The following RNF182 variants were observed in gnomAD, a reference collection of about 807,000 sequenced individuals.
RNF182 encodes E3 ubiquitin-protein ligase RNF182.
Under a neutral mutation model 14.4 loss-of-function variants are expected in RNF182, and 15 were observed. The ratio of observed to expected loss-of-function variants is 1.04; its 90% CI spans 0.70 to 1.60. The LOEUF (loss-of-function observed/expected upper bound fraction) is 1.60. Among genes scored for constraint, RNF182 ranks in the 40% most tolerant of loss-of-function variants. The pLI is 0.00. For missense variants in RNF182, 268 were observed against 294.8 expected (o/e 0.91, Z 0.67); for synonymous variants, 128 against 122.9 (o/e 1.04, Z -0.27).
chr6:13,964,458 A>T (rs1759965346), intron 1 of RNF182, among the ~76,000 whole-genome samples: 1 of 152,180 alleles, frequency 6.6e-6, no homozygotes, highest in Admixed American at 6.5e-5. Context: ...TATTTGGGAA[A>T]AACTCCAGGA....
intron 1 of RNF182, among the ~76,000 whole-genome samples, chr6:13,933,888 T>C (rs12191937): frequency 8.8e-4 from 134 of 152,094 alleles, no homozygotes; most frequent in Non-Finnish European, 1.4e-3. Context: ...CCTGGTGGCA[T>C]GCGCCTGTAG....
chr6:13,960,220 G>A lies in RNF182; in HGVS notation c.-366-13990G>A, dbSNP rs944722422. ...TGCTTTCAGGAACCTTGTCTTGATTGTCTTTGCATCCCCAGCATCTTGCAC... is the reference window on the plus strand; with the variant it reads ...TGCTTTCAGGAACCTTGTCTTGATTATCTTTGCATCCCCAGCATCTTGCAC... On this transcript the variant is annotated intron_variant, in intron 1 of 2. Transcript: ENST00000488300. 4.6e-5 allele frequency among the ~76,000 whole-genome samples: 7 copies of A among 152,302 alleles called. No homozygotes were observed. In the East Asian group the frequency reaches 7.7e-4, roughly 17 times the overall value.
chr6:13,956,635 G>T (rs141963992), intron 1 of RNF182, among the ~76,000 whole-genome samples: 1 of 151,988 alleles, frequency 6.6e-6, no homozygotes, highest in Non-Finnish European at 1.5e-5. Context: ...TGTCCTTTGC[G>T]TTAGACTACT....
At chr6:13,970,956 GAAA>G (rs1760158438) in intron 1 of RNF182, among the ~76,000 whole-genome samples, 1 of 151,752 alleles carries the variant, frequency 6.6e-6, no homozygotes, top group Non-Finnish European at 1.5e-5. Flanking sequence ...TTTTTACTGT[GAAA>G]GATAACACTA....
chr6:13,969,887 C>T (rs1760132377), intron 1 of RNF182, among the ~76,000 whole-genome samples: 1 of 151,994 alleles, frequency 6.6e-6, no homozygotes, highest in Non-Finnish European at 1.5e-5. Context: ...GAAAAGAAAA[C>T]TTTGTATTTA....
chr6:13,971,070 C>G (rs770340980), intron 1 of RNF182, among the ~76,000 whole-genome samples: 3 of 152,086 alleles, frequency 2.0e-5, no homozygotes, highest in Admixed American at 2.0e-4. Context: ...ATAGCCTGCA[C>G]TAAGTCTGCT....
intron 1 of RNF182, among the ~76,000 whole-genome samples, chr6:13,955,247 A>C (rs1196259891): frequency 1.3e-5 from 2 of 152,208 alleles, no homozygotes; most frequent in Admixed American, 6.5e-5. Context: ...ATTTGGACCT[A>C]CTGGGAGTTA....
At chr6:13,963,906 T>C (rs1759945295) in intron 1 of RNF182, among the ~76,000 whole-genome samples, 1 of 152,076 alleles carries the variant, frequency 6.6e-6, no homozygotes, top group East Asian at 1.9e-4. Flanking sequence ...TTGCCACACA[T>C]GATAGGGGCT....
At chr6:13,972,965 T>C (rs1267841945) in intron 1 of RNF182, among the ~76,000 whole-genome samples, 2 of 152,206 alleles carry the variant, frequency 1.3e-5, no homozygotes, top group Admixed American at 6.5e-5. Context: ...GCTTGTACCA[T>C]GCATTTGGAA....
intron 1 of RNF182, among the ~76,000 whole-genome samples, chr6:13,972,456 C>T (rs1028426352): frequency 6.6e-6 from 1 of 152,132 alleles, no homozygotes; most frequent in Non-Finnish European, 1.5e-5. Flanking sequence ...ATTGCCAAGA[C>T]AATGGGGAAA....
chr6:13,955,615 C>T (rs1204103585), intron 1 of RNF182, among the ~76,000 whole-genome samples: 6 of 152,220 alleles, frequency 3.9e-5, no homozygotes, highest in Non-Finnish European at 7.3e-5. Context: ...TGTTGGTTAA[C>T]AGTTGCACAG....
intron 1 of RNF182, among the ~76,000 whole-genome samples, chr6:13,960,644 AGG>A (rs374066757): frequency 0.021 from 2,904 of 135,240 alleles, 46 homozygotes; most frequent in East Asian, 0.071. Flanking sequence ...TTTTTGATGG[AGG>A]GAGAGAGAGA....
At chr6:13,944,542 A>G (rs1440361841) in intron 1 of RNF182, among the ~76,000 whole-genome samples, 3 of 152,216 alleles carry the variant, frequency 2.0e-5, no homozygotes, top group South Asian at 4.1e-4. Flanking sequence ...GTCTTTGTCA[A>G]TAATGCAGGG....
chr6:13,963,300 C>T (rs747527779), intron 1 of RNF182, among the ~76,000 whole-genome samples: 7 of 152,154 alleles, frequency 4.6e-5, no homozygotes, highest in Non-Finnish European at 7.3e-5. Context: ...AGGCATGATA[C>T]TCATTGATAA....
At chr6:13,924,903 G>GCAGC (rs1758772482), upstream of RNF182, 1 of 147,056 alleles carries the variant, frequency 6.8e-6, no homozygotes, top group African/African-American at 2.5e-5. Context: ...TAGAGACAAA[G>GCAGC]CCGCCCGCCC....
At chr6:13,968,764 G>A (rs994188216) in intron 1 of RNF182, among the ~76,000 whole-genome samples, 5 of 152,154 alleles carry the variant, frequency 3.3e-5, no homozygotes, top group African/African-American at 1.2e-4. Context: ...TGACCTTTGT[G>A]TATTTATATA....
intron 1 of RNF182, among the ~76,000 whole-genome samples, chr6:13,940,015 T>A (rs960854023): frequency 6.6e-6 from 1 of 152,248 alleles, no homozygotes; most frequent in Non-Finnish European, 1.5e-5. Flanking sequence ...CACTTTTTTT[T>A]ATTGCCTCAT....
At position 13,966,019 on chromosome 6, in the gene RNF182, A is replaced by T. The variant is rs137994595; in HGVS notation, c.-366-8191A>T. 3.0e-3 allele frequency among the ~76,000 whole-genome samples: 462 copies of T among 152,240 alleles called. 1 individual carries two copies. Among genetic ancestry groups the T allele is most frequent in the African/African-American group, 0.011 (445 of 41,518 alleles). ...GTGGACTGGAAGTACTCTCCTGAGG[A>T]CGGAGCTCAGATAAAACAAATACAA... is the stretch of plus-strand genomic sequence containing the variant. On this transcript the variant is annotated intron_variant, in intron 1 of 2. Transcript: ENST00000488300.
intron 1 of RNF182, among the ~76,000 whole-genome samples, chr6:13,969,180 TTTA>T (rs1760114301): frequency 6.6e-6 from 1 of 152,162 alleles, no homozygotes; most frequent in Non-Finnish European, 1.5e-5. Context: ...TATTTTTGGC[TTTA>T]TTCTTCTTCT....
Sources: allele counts gnomAD v4.1 joint callset (sites outside exome capture counted in the v4.1 genomes callset), GRCh38; gene constraint gnomAD v4.1.1; transcripts MANE v1.5; gene names NCBI Gene and HGNC (gene_info 2026-07-23, HGNC 2026-07-21).